Variants in DPYD observed in about 807,000 individuals in gnomAD.
DPYD encodes dihydropyrimidine dehydrogenase [NADP(+)].
In DPYD, 109 loss-of-function variants were observed where a neutral mutation model predicts 116.2. That is an observed-to-expected ratio of 0.94 (90% CI 0.80 to 1.10). The LOEUF (loss-of-function observed/expected upper bound fraction) is 1.10, where lower values mean the gene tolerates loss of function less well. DPYD is among the 50% of genes least tolerant of loss of function. DPYD has a pLI of 0.00. For missense variants in DPYD, 1,302 were observed against 1,254.5 expected (o/e 1.04, Z -0.57); for synonymous variants, 440 against 432.0 (o/e 1.02, Z -0.23).
At position 97,149,545 on chromosome 1, in the gene DPYD, G is replaced by A. The variant is rs570269066; in HGVS notation, c.2622+43524C>T. On this transcript the variant is annotated intron_variant, in intron 20 of 22. Transcript: ENST00000370192. ...TAGGATTACAAGCCTGACTCACCGC[G>A]TCCAGCTGATAACTTTTGTCTTTCT... 5.3e-5 allele frequency among the ~76,000 whole-genome samples: 8 copies of A among 152,204 alleles called. No homozygotes were observed. The South Asian group carries it at 1.2e-3, about 24-fold the overall frequency.
chr1:97,082,614 A>T (rs1649238970), intron 21 of DPYD, 144 bp from the exon 22 acceptor site: 1 of 977,784 alleles, frequency 1.0e-6, no homozygotes, highest in Non-Finnish European at 1.6e-6. Context: ...CTCATAGATA[A>T]GCTTTTTATG....
chr1:97,720,387 C>T, intron 5 of DPYD: 1 of 985,364 alleles, frequency 1.0e-6, no homozygotes, highest in South Asian at 4.7e-5. Flanking sequence ...TCTTCTCCAT[C>T]AACTAAGGAT....
intron 16 of DPYD, among the ~76,000 whole-genome samples, chr1:97,373,173 C>T (rs1440361981): frequency 6.6e-6 from 1 of 152,080 alleles, no homozygotes; most frequent in Non-Finnish European, 1.5e-5. Flanking sequence ...TGTGCCGTGC[C>T]CCATTTACTA....
At chr1:97,920,829 G>T in intron 1 of DPYD, 55 bp downstream of exon 1, 1 of 1,561,482 alleles carries the variant, frequency 6.4e-7, no homozygotes, top group Non-Finnish European at 8.7e-7. Flanking sequence ...GCACCTACCC[G>T]CAGAGCACTC....
intron 11 of DPYD, among the ~76,000 whole-genome samples, chr1:97,551,871 A>T (rs1380201641): frequency 6.6e-6 from 1 of 152,144 alleles, no homozygotes; most frequent in Admixed American, 6.6e-5. Flanking sequence ...TTTTCTTTCC[A>T]TTATTCCCTA....
chr1:97,437,755 T>C (rs1570733205), intron 14 of DPYD, among the ~76,000 whole-genome samples: 2 of 152,030 alleles, frequency 1.3e-5, no homozygotes, highest in South Asian at 4.1e-4. Context: ...AAATCACATA[T>C]ATCCTTTTTC....
intron 10 of DPYD, among the ~76,000 whole-genome samples, chr1:97,592,147 G>A (rs534062977): frequency 1.5e-4 from 23 of 152,202 alleles, no homozygotes; most frequent in African/African-American, 4.3e-4. Flanking sequence ...CAGGCATTCC[G>A]AAGCAAGTCA....
chr1:97,609,323 C>T (rs1390236837), intron 8 of DPYD, among the ~76,000 whole-genome samples: 11 of 151,938 alleles, frequency 7.2e-5, no homozygotes, highest in African/African-American at 2.4e-4. Context: ...AATCTAGACT[C>T]TTTTGAAACC....
chr1:97,771,425 T>C (rs1301501432), intron 3 of DPYD, among the ~76,000 whole-genome samples: 1 of 152,180 alleles, frequency 6.6e-6, no homozygotes, highest in Non-Finnish European at 1.5e-5. Flanking sequence ...TAATATATCC[T>C]ATAGAGACAT....
At chr1:97,851,808 C>T (rs1226393267) in intron 2 of DPYD, among the ~76,000 whole-genome samples, 1 of 151,520 alleles carries the variant, frequency 6.6e-6, no homozygotes, top group African/African-American at 2.4e-5. Context: ...TTTCTGTCTA[C>T]ATTTGTCTAC....
At chr1:97,918,617 C>T (rs1424745947) in intron 1 of DPYD, among the ~76,000 whole-genome samples, 2 of 152,166 alleles carry the variant, frequency 1.3e-5, no homozygotes, top group Non-Finnish European at 2.9e-5. Context: ...ATGAAGCAGG[C>T]ACACAAAGCA....
chr1:97,261,359 G>A (rs890634954), intron 18 of DPYD, among the ~76,000 whole-genome samples: 2 of 151,902 alleles, frequency 1.3e-5, no homozygotes, highest in Admixed American at 1.3e-4. Context: ...ATATGTATCT[G>A]CAATCACATC....
chr1:97,730,643 C>T (rs1256489240), intron 4 of DPYD, among the ~76,000 whole-genome samples: 1 of 150,656 alleles, frequency 6.6e-6, no homozygotes, highest in African/African-American at 2.4e-5. Flanking sequence ...TTATAAAAGC[C>T]CCACTTTATC....
intron 1 of DPYD, among the ~76,000 whole-genome samples, chr1:97,914,631 T>A (rs890437549): frequency 4.6e-5 from 7 of 152,142 alleles, no homozygotes; most frequent in African/African-American, 1.7e-4. Context: ...GTAATAGATG[T>A]GAATAGTCAT....
At chr1:97,840,697 T>C (rs1418745085) in intron 2 of DPYD, among the ~76,000 whole-genome samples, 1 of 152,088 alleles carries the variant, frequency 6.6e-6, no homozygotes, top group Non-Finnish European at 1.5e-5. Flanking sequence ...GTGAAATCCA[T>C]GAAAGGCAGA....
chr1:97,545,530 T>C (rs963383126), intron 12 of DPYD, among the ~76,000 whole-genome samples: 3 of 152,092 alleles, frequency 2.0e-5, no homozygotes, highest in African/African-American at 4.8e-5. Context: ...GAATCTGAAA[T>C]GTAGGAAAGA....
chr1:97,370,110 T>C (rs1186979224), intron 16 of DPYD, among the ~76,000 whole-genome samples: 1 of 152,174 alleles, frequency 6.6e-6, no homozygotes, highest in Non-Finnish European at 1.5e-5. Flanking sequence ...TATAGTAAAA[T>C]GATTTATAAT....
chr1:97,331,181 C>G (rs576558867), intron 16 of DPYD, among the ~76,000 whole-genome samples: 1 of 152,066 alleles, frequency 6.6e-6, no homozygotes, highest in East Asian at 1.9e-4. Context: ...TTTTGCAAAC[C>G]TATATATTGA....
At chr1:97,601,530 A>T (rs569763504) in intron 8 of DPYD, among the ~76,000 whole-genome samples, 2 of 152,138 alleles carry the variant, frequency 1.3e-5, no homozygotes, top group African/African-American at 4.8e-5. Flanking sequence ...AAGCCCAAGC[A>T]GTTGAGATTA....
Sources: gnomAD v4.1 joint callset for allele counts (sites outside exome capture counted in the v4.1 genomes callset) on GRCh38, gnomAD v4.1.1 for gene constraint, MANE v1.5 for transcripts, NCBI Gene and HGNC (gene_info 2026-07-23, HGNC 2026-07-21) for gene names.